The following EXOC6 variants were observed in gnomAD, a reference collection of about 807,000 sequenced individuals.
The protein encoded by EXOC6 is exocyst complex component 6.
Under a neutral mutation model 112.5 loss-of-function variants are expected in EXOC6, and 60 were observed. The ratio of observed to expected loss-of-function variants is 0.53; its 90% CI spans 0.43 to 0.66. The LOEUF (loss-of-function observed/expected upper bound fraction) is 0.66. EXOC6 is among the 30% of genes least tolerant of loss of function. EXOC6 has a pLI of 0.00. For synonymous variants in EXOC6, 295 were observed against 308.0 expected (o/e 0.96, Z 0.44); for missense variants, 855 against 957.1 (o/e 0.89, Z 1.41).
At chr10:92,892,270 G>A (rs1261062255) in intron 1 of EXOC6, among the ~76,000 whole-genome samples, 3 of 152,098 alleles carry the variant, frequency 2.0e-5, no homozygotes, top group Non-Finnish European at 2.9e-5. Context: ...AGCAGAAAAG[G>A]CACATAGGAC....
At chr10:92,969,530 G>C (rs1007241905) in intron 17 of EXOC6, among the ~76,000 whole-genome samples, 3 of 152,038 alleles carry the variant, frequency 2.0e-5, no homozygotes, top group Non-Finnish European at 4.4e-5. Flanking sequence ...ACTTCTTCTA[G>C]ATTCCTATTT....
intron 6 of EXOC6, among the ~76,000 whole-genome samples, chr10:92,911,207 G>A (rs61862274): frequency 2.0e-5 from 3 of 151,986 alleles, no homozygotes; most frequent in Admixed American, 2.0e-4. Context: ...TTTCTAATGC[G>A]TGATTTTTTT....
intron 4 of EXOC6, among the ~76,000 whole-genome samples, chr10:92,896,119 A>ATGTGTGTG (rs1198813076): frequency 3.2e-4 from 7 of 21,708 alleles, no homozygotes; most frequent in African/African-American, 2.3e-3. Flanking sequence ...GTGTATATAT[A>ATGTGTGTG]TGTGTGTGTG....
chr10:92,864,967 CCTGA>C (rs1342799596), intron 1 of EXOC6, among the ~76,000 whole-genome samples: 10 of 152,114 alleles, frequency 6.6e-5, no homozygotes, highest in South Asian at 6.3e-4. Flanking sequence ...TTTGGAGAAC[CCTGA>C]CTAATTCAGA....
intron 1 of EXOC6, among the ~76,000 whole-genome samples, chr10:92,857,520 C>G (rs921078366): frequency 1.3e-5 from 2 of 152,082 alleles, no homozygotes; most frequent in African/African-American, 2.4e-5. Flanking sequence ...GTTTCTGATT[C>G]TTTTCATTTG....
chr10:92,921,481 T>C (rs977439857), intron 8 of EXOC6, among the ~76,000 whole-genome samples: 7 of 151,854 alleles, frequency 4.6e-5, no homozygotes, highest in Admixed American at 2.6e-4. Context: ...CTCCTGACTT[T>C]AGGTGATCCA....
At chr10:93,053,031 TA>T (rs902661342) in intron 20 of EXOC6, among the ~76,000 whole-genome samples, 3 of 152,214 alleles carry the variant, frequency 2.0e-5, no homozygotes, top group Non-Finnish European at 2.9e-5. Flanking sequence ...AGATTTTTCA[TA>T]ATGTAGATCT....
chr10:92,945,944 T>C (rs1330110560), intron 13 of EXOC6, among the ~76,000 whole-genome samples: 1 of 152,178 alleles, frequency 6.6e-6, no homozygotes, highest in Non-Finnish European at 1.5e-5. Flanking sequence ...CTGGGTGTGG[T>C]TGATTAGTGG....
At chr10:92,940,932 A>G (rs915481721) in intron 13 of EXOC6, 108 bp downstream of exon 13, 2 of 760,364 alleles carry the variant, frequency 2.6e-6, no homozygotes, top group African/African-American at 1.8e-5. Flanking sequence ...TTATTGTAGT[A>G]AAGTACACAT....
intron 19 of EXOC6, chr10:92,999,240 TA>T: frequency 2.5e-6 from 1 of 403,484 alleles, no homozygotes. Context: ...TTTTTTTTTT[TA>T]AATTACAGAT....
In EXOC6 at chr10:92,951,567, T is replaced by C. The variant is rs559852548; in HGVS notation, c.1417-706T>C. 4.6e-5 allele frequency among the ~76,000 whole-genome samples: 7 copies of C among 152,298 alleles called. No homozygotes were observed. In the South Asian group the frequency reaches 1.5e-3, roughly 32 times the overall value. On this transcript the variant is annotated intron_variant, in intron 14 of 21. Transcript: ENST00000260762. ...CTTGGTGATGGTACTTTCACCGATA[T>C]AACAAGGTTGCAATGAAGGTGAAGA...
rs1043024507 is a variant in EXOC6 at position 92,909,354 on chromosome 10, ATTAT to A, written c.459-69_459-66del. Reference sequence around the variant, plus strand: ...TTGATGAATAATCAGTGTAAAACTGATTATTTAGATTTACTTGTAAAAATATTGT... The same window carrying A: ...TTGATGAATAATCAGTGTAAAACTGATTAGATTTACTTGTAAAAATATTGT... On this transcript the variant is annotated intron_variant, in intron 5 of 21. Transcript: ENST00000260762. 9.0e-6 allele frequency: 10 copies of A among 1,108,200 alleles called. No homozygotes were observed. The Admixed American group carries it at 2.3e-4, about 26-fold the overall frequency. 68.6% of individuals were successfully genotyped at this position (1,108,200 alleles called of 1,614,324 possible). A position where few individuals can be genotyped will look rare whatever the true frequency, so the allele number is the denominator to read the frequency against.
intron 20 of EXOC6, among the ~76,000 whole-genome samples, chr10:93,028,807 C>A (rs1845137041): frequency 7.3e-6 from 1 of 137,734 alleles, no homozygotes. Flanking sequence ...GCACTCCAGC[C>A]TGGGCAACAA....
chr10:92,935,888 G>C lies in EXOC6; in HGVS notation c.1212+3G>C. 1 of 1,573,176 alleles carries C rather than the reference G, an allele frequency of 6.4e-7. No homozygotes were observed. The highest frequency in any genetic ancestry group is 8.7e-7 in the Non-Finnish European group (1 of 1,146,268). On this transcript the variant is annotated splice_donor_region_variant and intron_variant, in intron 12 of 21. Coordinates refer to ENST00000260762, the MANE Select transcript of EXOC6 (RefSeq NM_019053.6). Reference sequence around the variant, plus strand: ...TAATATTTGCAGATACTTTACAGGTGGGTGATAACCTAACAATTAATGGTT... The same window carrying C: ...TAATATTTGCAGATACTTTACAGGTCGGTGATAACCTAACAATTAATGGTT...
intron 1 of EXOC6, among the ~76,000 whole-genome samples, chr10:92,861,536 T>A (rs1289146119): frequency 1.3e-5 from 2 of 150,604 alleles, no homozygotes; most frequent in Non-Finnish European, 1.5e-5. Flanking sequence ...ATACTCACCT[T>A]TTTTTTTTAG....
intron 7 of EXOC6, among the ~76,000 whole-genome samples, chr10:92,918,770 G>A (rs1470231592): frequency 1.3e-5 from 2 of 151,998 alleles, no homozygotes; most frequent in African/African-American, 2.4e-5. Flanking sequence ...TGATACATAT[G>A]TACATAGTCA....
At chr10:92,839,358 T>A (rs1328044902) in intron 1 of EXOC6, among the ~76,000 whole-genome samples, 4 of 152,136 alleles carry the variant, frequency 2.6e-5, no homozygotes, top group Non-Finnish European at 5.9e-5. Context: ...CGGGGCCATG[T>A]TCGAGGAAAC....
intron 20 of EXOC6, among the ~76,000 whole-genome samples, chr10:93,032,999 A>G (rs770626625): frequency 4.6e-5 from 7 of 152,150 alleles, no homozygotes; most frequent in Non-Finnish European, 1.0e-4. Flanking sequence ...GGGTAATAGT[A>G]TGGCTATAAT....
chr10:93,011,205 T>C (rs1476719774), intron 19 of EXOC6, among the ~76,000 whole-genome samples: 1 of 151,254 alleles, frequency 6.6e-6, no homozygotes, highest in Non-Finnish European at 1.5e-5. Flanking sequence ...TAGGGATTTA[T>C]GGTTTTTTTT....
Sources: gnomAD v4.1 joint callset for allele counts (sites outside exome capture counted in the v4.1 genomes callset) on GRCh38, gnomAD v4.1.1 for gene constraint, MANE v1.5 for transcripts, NCBI Gene and HGNC (gene_info 2026-07-23, HGNC 2026-07-21) for gene names.